LRRTM1: variants seen among roughly 807,000 people sequenced by gnomAD.
LRRTM1 encodes leucine-rich repeat transmembrane neuronal protein 1.
LRRTM1 carries 8 observed loss-of-function variants against 37.3 expected under a neutral mutation model. That is an observed-to-expected ratio of 0.21 (90% CI 0.13 to 0.39). The LOEUF is 0.39. Ranked by LOEUF, LRRTM1 falls within the 10% of genes least tolerant of loss-of-function variation. The pLI is 1.00. For synonymous variants in LRRTM1, 326 were observed against 316.8 expected (o/e 1.03, Z -0.31); for missense variants, 557 against 691.0 (o/e 0.81, Z 2.17).
chr2:80,297,668 G>A (rs1402626416), downstream of LRRTM1, among the ~76,000 whole-genome samples: 1 of 151,962 alleles, frequency 6.6e-6, no homozygotes, highest in African/African-American at 2.4e-5. Context: ...TACTTTAATG[G>A]AAAAATACTG....
At chr2:80,301,475 C>CA (rs1215465220), downstream of LRRTM1, among the ~76,000 whole-genome samples, 1 of 152,132 alleles carries the variant, frequency 6.6e-6, no homozygotes, top group Non-Finnish European at 1.5e-5. Flanking sequence ...ACATTAAGTG[C>CA]AAAAATGTTT....
At chr2:80,289,016 G>A (rs773730932) in exon 3 of LRRTM1, 3 of 152,118 alleles carry the variant, frequency 2.0e-5, no homozygotes, top group East Asian at 1.9e-4. Context: ...AAAACAACGC[G>A]TGCACTTTTA....
In LRRTM1 at chr2:80,302,029, C is replaced by T. The variant is rs141142222; in HGVS notation, c.*222G>A. 1.9e-4 allele frequency: 106 copies of T among 549,476 alleles called. No homozygotes were observed. Among genetic ancestry groups the T allele is most frequent in the Middle Eastern group, 9.4e-4 (2 of 2,120 alleles). The allele number at this position is 549,476 out of a possible 1,614,324, so 34.0% of individuals were successfully genotyped here. A position where few individuals can be genotyped will look rare whatever the true frequency, so the allele number is the denominator to read the frequency against. Reference sequence around the variant, plus strand: ...TCATATGAAATTTAAGATAGACTGTCCTGAAGGTTGTGGGGTGGGGTTTTT... The same window carrying T: ...TCATATGAAATTTAAGATAGACTGTTCTGAAGGTTGTGGGGTGGGGTTTTT... On this transcript the variant is annotated 3_prime_UTR_variant, in exon 2 of 2. Coordinates refer to ENST00000295057, the MANE Select transcript of LRRTM1 (RefSeq NM_178839.5). This position sits in a 1 kb window ranked among gnomAD's most constrained non-coding sequence, Gnocchi z 6.4.
chr2:80,302,597 G>A lies in LRRTM1; in HGVS notation c.1223C>T (p.Pro408Leu). The change falls in exon 2 of 2, where the codon CCT becomes CTT. Residue 408 changes from proline to leucine, a missense_variant. Physicochemically the swap from Pro to Leu is moderately conservative, Grantham distance 98. This residue lies in a region of LRRTM1 where 89 missense variants were observed against 80.7 expected (regional missense o/e 1.10). Transcript: ENST00000295057. The surrounding 1 kb of genome is among the most constrained non-coding windows in gnomAD (Gnocchi z 6.4). Reference sequence around the variant, plus strand: ...GCCGCCTGGAAGAGCCACGGTGGCAGGCTCGAATGTGCCGTCGTGCTGCCC... The same window carrying A: ...GCCGCCTGGAAGAGCCACGGTGGCAAGCTCGAATGTGCCGTCGTGCTGCCC... ...GEGQHDGTFE[P>L]ATVALPGGEH... 1 of 1,606,528 alleles carries A rather than the reference G, an allele frequency of 6.2e-7. No homozygotes were observed. Among genetic ancestry groups the A allele is most frequent in the Non-Finnish European group, 8.5e-7 (1 of 1,178,818 alleles).
At chr2:80,300,939 T>C (rs1244589242), downstream of LRRTM1, among the ~76,000 whole-genome samples, 6 of 146,520 alleles carry the variant, frequency 4.1e-5, no homozygotes, top group African/African-American at 1.3e-4. Context: ...CAATCATCAC[T>C]CTCAACACAG....
chr2:80,294,992 C>T (rs917455326), intron 2 of LRRTM1, among the ~76,000 whole-genome samples: 7 of 152,182 alleles, frequency 4.6e-5, no homozygotes, highest in Admixed American at 2.0e-4. Context: ...GCATAAAACA[C>T]AGATCTTGAA....
downstream of LRRTM1, chr2:80,298,240 G>C (rs1262726238): frequency 6.6e-6 from 1 of 151,978 alleles, no homozygotes; most frequent in Non-Finnish European, 1.5e-5. Flanking sequence ...TCATATTCTA[G>C]CTAATTCCTT....
intron 2 of LRRTM1, among the ~76,000 whole-genome samples, chr2:80,290,645 A>G (rs963352759): frequency 3.3e-5 from 5 of 151,840 alleles, no homozygotes; most frequent in African/African-American, 1.2e-4. Flanking sequence ...AATACCACAG[A>G]TATGTTGTAT....
At chr2:80,298,512 C>T (rs775877200), downstream of LRRTM1, 4 of 152,132 alleles carry the variant, frequency 2.6e-5, no homozygotes, top group East Asian at 3.9e-4. Context: ...GCTGACAAGT[C>T]GACTAAAATA....
At chr2:80,300,707 G>A (rs1676204979), downstream of LRRTM1, among the ~76,000 whole-genome samples, 1 of 152,024 alleles carries the variant, frequency 6.6e-6, no homozygotes, top group African/African-American at 2.4e-5. Context: ...TAGGGACATG[G>A]GCTACATTGG....
At chr2:80,295,530 G>A (rs898279443) in intron 2 of LRRTM1, among the ~76,000 whole-genome samples, 1 of 152,160 alleles carries the variant, frequency 6.6e-6, no homozygotes, top group Non-Finnish European at 1.5e-5. Context: ...GAATTCAGGG[G>A]AATTTTAATT....
rs759133850 is a variant in LRRTM1 at position 80,303,223 on chromosome 2, A to G, written c.597T>C (p.Ser199=). Residue 199 remains serine, a synonymous_variant, in exon 2 of 2, where the codon AGT becomes AGC. Transcript: ENST00000295057. The surrounding 1 kb of genome is among the most constrained non-coding windows in gnomAD (Gnocchi z 7.7). ...FLDIGYNQLK[S]LARNSFAGLF... ...AGCCGGCGAAAGAGTTGCGCGCCAG[A>G]CTCTTGAGCTGATTGTATCCGATGT... 1.9e-6 allele frequency: 3 copies of G among 1,613,180 alleles called. No individual in the cohort carries two copies. Among genetic ancestry groups the G allele is most frequent in the Non-Finnish European group, 2.5e-6 (3 of 1,179,850 alleles).
In LRRTM1 at chr2:80,302,730, C is replaced by T. The variant is rs570950310; in HGVS notation, c.1090G>A (p.Glu364Lys). Reference protein sequence around the residue: ...LDAVYAFHLCEDGAEPTSGHL... With the variant: ...LDAVYAFHLCKDGAEPTSGHL... ...CCGCTGGTGGGCTCGGCCCCATCCT[C>T]GCACAGGTGGAAGGCGTACACGGCG... is the stretch of plus-strand genomic sequence containing the variant. Residue 364 changes from glutamate (E) to lysine (K), a missense_variant, in exon 2 of 2, where the codon GAG becomes AAG. Around this residue, in one of 5 missense-constraint regions of LRRTM1, gnomAD observed 89 missense variants for 80.7 expected, o/e 1.10. Coordinates refer to ENST00000295057, the MANE Select transcript of LRRTM1 (RefSeq NM_178839.5). The surrounding 1 kb of genome is among the most constrained non-coding windows in gnomAD (Gnocchi z 6.4). 1.9e-6 allele frequency: 3 copies of T among 1,613,028 alleles called. No homozygotes were observed. Among genetic ancestry groups the T allele is most frequent in the African/African-American group, 1.3e-5 (1 of 75,050 alleles).
At chr2:80,297,140 G>C (rs1178667403), downstream of LRRTM1, among the ~76,000 whole-genome samples, 1 of 152,198 alleles carries the variant, frequency 6.6e-6, no homozygotes, top group East Asian at 1.9e-4. Flanking sequence ...GTCATGGTCA[G>C]AATTCCTGGA....
chr2:80,296,355 A>G (rs541425628), intron 2 of LRRTM1, among the ~76,000 whole-genome samples: 1 of 152,262 alleles, frequency 6.6e-6, no homozygotes, highest in African/African-American at 2.4e-5. Context: ...TTGTTAATTA[A>G]ATCTCCACTG....
In LRRTM1 at chr2:80,302,247, A is replaced by C. The variant is rs200230146; in HGVS notation, c.*4T>G. 1.6e-5 allele frequency: 25 copies of C among 1,611,130 alleles called. No homozygotes were observed. In the African/African-American group the frequency reaches 2.8e-4, roughly 18 times the overall value. On this transcript the variant is annotated 3_prime_UTR_variant, in exon 2 of 2. Coordinates refer to ENST00000295057, the MANE Select transcript of LRRTM1 (RefSeq NM_178839.5). This position sits in a 1 kb window ranked among gnomAD's most constrained non-coding sequence, Gnocchi z 6.4. ...AGCGCATGGGTTGAGAGCCACTGGG[A>C]CAATCACACCTCGCATTCCCTCGCG...
downstream of LRRTM1, among the ~76,000 whole-genome samples, chr2:80,300,332 G>A (rs960020335): frequency 7.3e-6 from 1 of 136,810 alleles, no homozygotes; most frequent in African/African-American, 2.7e-5. Context: ...GTGTGTGTGT[G>A]TAAGAAGCTG....
chr2:80,302,640 G>C lies in LRRTM1; in HGVS notation c.1180C>G (p.Leu394Val). Reference sequence around the variant, plus strand: ...TGCTGCCCCTCCCCGCCGTCCGCGAGCGTGGTGGCCGAGCTGGCAGGGGGC... The same window carrying C: ...TGCTGCCCCTCCCCGCCGTCCGCGACCGTGGTGGCCGAGCTGGCAGGGGGC... ...LGPPASSATT[L>V]ADGGEGQHDG... The change falls in exon 2 of 2, where the codon CTC becomes GTC. Residue 394 changes from leucine (L) to valine (V), a missense_variant. Around this residue, in one of 5 missense-constraint regions of LRRTM1, gnomAD observed 89 missense variants for 80.7 expected, o/e 1.10. Transcript: ENST00000295057. The surrounding 1 kb of genome is among the most constrained non-coding windows in gnomAD (Gnocchi z 6.4). 3.1e-6 allele frequency: 5 copies of C among 1,607,810 alleles called. No individual in the cohort carries two copies. The highest frequency in any genetic ancestry group is 4.2e-6 in the Non-Finnish European group (5 of 1,178,436).
chr2:80,297,284 T>C (rs1675831411), downstream of LRRTM1, among the ~76,000 whole-genome samples: 1 of 152,170 alleles, frequency 6.6e-6, no homozygotes, highest in Non-Finnish European at 1.5e-5. Context: ...CAGTGTGTAG[T>C]GAAAAGGCCA....
Sources: allele counts gnomAD v4.1 joint callset (sites outside exome capture counted in the v4.1 genomes callset), GRCh38; gene constraint gnomAD v4.1.1; regional missense constraint gnomAD v4.1.1; non-coding constraint Gnocchi (gnomAD v3.1); transcripts MANE v1.5; gene names NCBI Gene and HGNC (gene_info 2026-07-23, HGNC 2026-07-21).